CCDC68: variants seen among roughly 807,000 people sequenced by gnomAD.
CCDC68 encodes coiled-coil domain containing 68.
CCDC68 carries 45 observed loss-of-function variants against 47.1 expected under a neutral mutation model. The observed-to-expected ratio is 0.96, with a 90% CI of 0.75 to 1.23. The LOEUF is 1.23. Among genes scored for constraint, CCDC68 ranks in the 50% most tolerant of loss-of-function variants. CCDC68 has a pLI of 0.00. For missense variants in CCDC68, 353 were observed against 373.6 expected, an observed-to-expected ratio of 0.94 and a Z score of 0.45; for synonymous variants, 131 against 129.5, an observed-to-expected ratio of 1.01 and a Z score of -0.08.
chr18:54,920,919 C>T lies in CCDC68; in HGVS notation c.684-1543G>A, dbSNP rs148931792. 1.8e-3 allele frequency among the ~76,000 whole-genome samples: 269 copies of T among 152,246 alleles called. 2 individuals are homozygous for T. The South Asian group carries it at 0.025, about 14-fold the overall frequency. ...CTTATGTCCATCACAGCAGTATTCA[C>T]GACAGCAAAGACATAGAAACAACCT... On this transcript the variant is annotated intron_variant, in intron 8 of 11. Coordinates refer to ENST00000591504, the MANE Select transcript of CCDC68 (RefSeq NM_025214.3).
chr18:54,928,528 C>T (rs1199125296), intron 8 of CCDC68, among the ~76,000 whole-genome samples: 1 of 152,174 alleles, frequency 6.6e-6, no homozygotes, highest in African/African-American at 2.4e-5. Context: ...CTCACTCATT[C>T]ACTCTTTAGA....
In CCDC68 at chr18:54,902,592, A is replaced by G. The variant is rs1285904969; in HGVS notation, c.*1766T>C. 1 of 152,266 alleles carries G rather than the reference A, an allele frequency of 6.6e-6. No individual in the cohort carries two copies. The highest frequency in any genetic ancestry group is 1.5e-5 in the Non-Finnish European group (1 of 68,044). The allele number at this position is 152,266 out of a possible 1,614,324, so 9.4% of individuals were successfully genotyped here. A position where few individuals can be genotyped will look rare whatever the true frequency, so the allele number is the denominator to read the frequency against. ...AAGTTTGTCTGAACTGAGTTCTCACAATGGTAGTCCAGCTGGTGAAAGATC... is the reference window on the plus strand; with the variant it reads ...AAGTTTGTCTGAACTGAGTTCTCACGATGGTAGTCCAGCTGGTGAAAGATC... On this transcript the variant is annotated 3_prime_UTR_variant, in exon 12 of 12. Transcript: ENST00000591504.
At chr18:54,931,910 C>G (rs2044270215) in intron 7 of CCDC68, among the ~76,000 whole-genome samples, 1 of 152,094 alleles carries the variant, frequency 6.6e-6, no homozygotes, top group South Asian at 2.1e-4. Flanking sequence ...AAATTTTTCT[C>G]CAGGGGGCAC....
In CCDC68 at chr18:54,938,094, A is replaced by G. The variant is rs150620061; in HGVS notation, c.208T>C (p.Cys70Arg). 3.1e-6 allele frequency: 5 copies of G among 1,611,310 alleles called. No homozygotes were observed. Among genetic ancestry groups the G allele is most frequent in the Non-Finnish European group, 4.2e-6 (5 of 1,179,104 alleles). The change falls in exon 5 of 12, where the codon TGT becomes CGT. Residue 70 changes from cysteine (C) to arginine (R), a missense_variant. By Grantham distance (180) the Cys-to-Arg change is radical (BLOSUM62 -3). Transcript: ENST00000591504. ...TCAGAGCCCTGTTGAAGGTTTCCAC[A>G]GTGCTGAAACGGACAAATGAAAATC... ...STNHKLDAKH[C>R]GNLQQGSDSE...
chr18:54,906,653 T>G (rs1599018312), intron 11 of CCDC68, among the ~76,000 whole-genome samples: 1 of 152,208 alleles, frequency 6.6e-6, no homozygotes, highest in African/African-American at 2.4e-5. Flanking sequence ...ATGTCACGCT[T>G]GCCCTCCTAG....
At chr18:54,911,670 C>G (rs1021592242) in intron 10 of CCDC68, among the ~76,000 whole-genome samples, 1 of 152,190 alleles carries the variant, frequency 6.6e-6, no homozygotes, top group Non-Finnish European at 1.5e-5. Flanking sequence ...AAAAGTCCCT[C>G]TCTATAGTAC....
chr18:54,930,623 TCCC>T (rs1568147328), intron 7 of CCDC68, among the ~76,000 whole-genome samples: 1 of 26,006 alleles, frequency 3.8e-5, no homozygotes, highest in African/African-American at 1.7e-4. Flanking sequence ...TCCCTTCCCT[TCCC>T]CTCCCTCCCT....
chr18:54,947,106 C>A (rs1466597793), intron 1 of CCDC68, among the ~76,000 whole-genome samples: 2 of 152,180 alleles, frequency 1.3e-5, no homozygotes, highest in African/African-American at 4.8e-5. Context: ...TGCCATATGG[C>A]ATTACTATCC....
rs949895393 is a variant in CCDC68, at chr18:54,936,246, GTT to G, written c.471+585_471+586del. Among the ~76,000 whole-genome samples, 29 of 135,466 alleles carry G rather than the reference GTT, an allele frequency of 2.1e-4. No individual in the cohort carries two copies. In the East Asian group the frequency reaches 5.2e-3, roughly 24 times the overall value. 88.9% of individuals were successfully genotyped at this position (135,466 alleles called of 152,430 possible). A position where few individuals can be genotyped will look rare whatever the true frequency, so the allele number is the denominator to read the frequency against. On this transcript the variant is annotated intron_variant, in intron 6 of 11. Coordinates refer to ENST00000591504, the MANE Select transcript of CCDC68 (RefSeq NM_025214.3). ...TCTATATATTTTTAAAAAATATATAGTTATATATATTTAAAAATATATAGTTA... is the reference window on the plus strand; with the variant it reads ...TCTATATATTTTTAAAAAATATATAGATATATATTTAAAAATATATAGTTA...
intron 9 of CCDC68, among the ~76,000 whole-genome samples, chr18:54,918,799 G>A (rs968695166): frequency 3.9e-5 from 6 of 152,134 alleles, no homozygotes; most frequent in African/African-American, 9.7e-5. Flanking sequence ...TACACACTCC[G>A]CCATCTAGCT....
At chr18:54,905,276 A>C (rs1362281184) in intron 11 of CCDC68, among the ~76,000 whole-genome samples, 1 of 148,346 alleles carries the variant, frequency 6.7e-6, no homozygotes, top group African/African-American at 2.5e-5. Context: ...AAGAGAATGA[A>C]AGGAAGTGGA....
intron 10 of CCDC68, among the ~76,000 whole-genome samples, chr18:54,908,169 G>A (rs1193863456): frequency 6.6e-6 from 1 of 152,150 alleles, no homozygotes; most frequent in Non-Finnish European, 1.5e-5. Context: ...ACAGGCAAAT[G>A]AAAAGAACTT....
rs1344011 is a variant in CCDC68, at chr18:54,937,957, C to T, written c.345G>A (p.Lys115=). The change falls in exon 5 of 12, where the codon AAG becomes AAA. Residue 115 remains lysine (K), a splice_region_variant and synonymous_variant. Coordinates refer to ENST00000591504, the MANE Select transcript of CCDC68 (RefSeq NM_025214.3). The part of the protein sequence containing the change: ...MNKENEVLKI[K]LQASREAGAA... ...AATTTGAAACTTCTAAAAGTCATAC[C>T]TTGATTTTCAATACTTCATTCTCTT... 0.22 allele frequency: 350,171 copies of T among 1,606,080 alleles called. 40,836 individuals carry two copies. The highest frequency in any genetic ancestry group is 0.34 in the East Asian group (15,385 of 44,746).
At chr18:54,914,365 C>A (rs1279231399) in intron 10 of CCDC68, among the ~76,000 whole-genome samples, 1 of 151,968 alleles carries the variant, frequency 6.6e-6, no homozygotes. Context: ...CACCTATAAT[C>A]CCAGCACTTT....
intron 10 of CCDC68, among the ~76,000 whole-genome samples, chr18:54,914,913 G>C (rs1009386858): frequency 2.0e-5 from 3 of 152,160 alleles, no homozygotes; most frequent in Non-Finnish European, 2.9e-5. Context: ...ACAGCGTCGG[G>C]GTTAAGTTGT....
At chr18:54,916,211 C>T (rs947001768) in intron 10 of CCDC68, among the ~76,000 whole-genome samples, 1 of 152,016 alleles carries the variant, frequency 6.6e-6, no homozygotes, top group African/African-American at 2.4e-5. Context: ...GAGCTGAGAG[C>T]AGTGTGTTAA....
intron 11 of CCDC68, 96 bp downstream of exon 11, chr18:54,907,690 A>G (rs1438577487): frequency 6.9e-6 from 5 of 726,928 alleles, no homozygotes; most frequent in Admixed American, 4.1e-5. Context: ...TGATTACATA[A>G]GCAGTGACAG....
intron 1 of CCDC68, chr18:54,954,867 T>C (rs371531538): frequency 1.0e-3 from 158 of 151,988 alleles, no homozygotes; most frequent in African/African-American, 3.7e-3. Context: ...AGTATTCTCA[T>C]CTAGGAGTTT....
In CCDC68 at chr18:54,934,888, C is replaced by T. The variant is rs746453395; in HGVS notation, c.532G>A (p.Ala178Thr). The T allele has an allele frequency of 1.9e-6, 3 of 1,601,964 alleles. No individual in the cohort carries two copies. The highest frequency in any genetic ancestry group is 2.6e-6 in the Non-Finnish European group (3 of 1,174,396). The change falls in exon 7 of 12, where the codon GCT (alanine) becomes ACT (threonine). Residue 178 changes from alanine to threonine, a missense_variant. Transcript: ENST00000591504. ...CTGTGTTTTTCTTCAAGTTTTTCAG[C>T]AACTTGATTCAGATTTTCAACATGT... Reference protein sequence around the residue: ...KQHVENLNQVAEKLEEKHSQI... With the variant: ...KQHVENLNQVTEKLEEKHSQI...
Sources: gnomAD v4.1 joint callset for allele counts (sites outside exome capture counted in the v4.1 genomes callset) on GRCh38, gnomAD v4.1.1 for gene constraint, MANE v1.5 for transcripts, NCBI Gene and HGNC (gene_info 2026-07-23, HGNC 2026-07-21) for gene names.